The following HSPBAP1 variants were observed in gnomAD, a reference collection of about 807,000 sequenced individuals.
The protein encoded by HSPBAP1 is HSPB1 associated protein 1.
Under a neutral mutation model 45.2 loss-of-function variants are expected in HSPBAP1, and 27 were observed. That is an observed-to-expected ratio of 0.60 (90% confidence interval 0.44 to 0.82). HSPBAP1 has a LOEUF of 0.82. Among genes scored for constraint, HSPBAP1 ranks in the 40% least tolerant of loss-of-function variants. The probability of loss-of-function intolerance (pLI) is 0.00; values close to 1 mark genes in which losing one functional copy is unlikely to be tolerated. For synonymous variants in HSPBAP1, 204 were observed against 202.7 expected (o/e 1.01, Z -0.06); for missense variants, 510 against 590.9 (o/e 0.86, Z 1.42).
chr3:122,740,370 A>C lies in HSPBAP1; in HGVS notation c.1442T>G (p.Leu481Arg). The C allele has an allele frequency of 1.2e-6, 2 of 1,605,920 alleles. No homozygotes were observed. Among genetic ancestry groups the C allele is most frequent in the South Asian group, 2.2e-5 (2 of 90,648 alleles). ...TCATAAACTTCTTCCTTGTATCAAA[A>C]GTTGTGCCACTATCCTGGTTACTTG... is the stretch of plus-strand genomic sequence containing the variant. ...NPQVTRIVAQ[L>R]LIQGRSL Residue 481 changes from leucine to arginine, a missense_variant, in exon 8 of 8, where the codon CTT (leucine) becomes CGT (arginine). Physicochemically the swap from Leu to Arg is moderately radical, Grantham distance 102. Coordinates refer to ENST00000306103, the MANE Select transcript of HSPBAP1 (RefSeq NM_024610.6).
chr3:122,751,538 A>T (rs1934135490), intron 6 of HSPBAP1, among the ~76,000 whole-genome samples: 1 of 152,268 alleles, frequency 6.6e-6, no homozygotes, highest in Non-Finnish European at 1.5e-5. Context: ...AGAAAAGATT[A>T]TGGAAAAACT....
intron 5 of HSPBAP1, chr3:122,753,417 A>G (rs941587009): frequency 1.3e-5 from 13 of 977,958 alleles, no homozygotes; most frequent in Non-Finnish European, 1.6e-5. Flanking sequence ...GGTAGGCACT[A>G]GGAGTTGTTG....
chr3:122,749,618 T>C (rs1487232224), intron 6 of HSPBAP1, among the ~76,000 whole-genome samples: 1 of 152,202 alleles, frequency 6.6e-6, no homozygotes, highest in African/African-American at 2.4e-5. Context: ...TGACATCTTT[T>C]TCTTTTTTTG....
intron 6 of HSPBAP1, among the ~76,000 whole-genome samples, chr3:122,747,806 G>A (rs1380202452): frequency 6.6e-6 from 1 of 150,902 alleles, no homozygotes; most frequent in African/African-American, 2.4e-5. Flanking sequence ...GGGAGGTGAG[G>A]GGCGCCTCTG....
chr3:122,745,378 C>A (rs1933810057), intron 6 of HSPBAP1, among the ~76,000 whole-genome samples: 1 of 152,140 alleles, frequency 6.6e-6, no homozygotes, highest in Non-Finnish European at 1.5e-5. Context: ...GAAGAGAAGA[C>A]CTTACCCTAG....
chr3:122,771,852 C>G (rs1560146604), intron 2 of HSPBAP1, among the ~76,000 whole-genome samples: 1 of 152,158 alleles, frequency 6.6e-6, no homozygotes, highest in Non-Finnish European at 1.5e-5. Context: ...TAACCAAGAC[C>G]TAAGACCTAA....
Position 122,793,534 on chromosome 3 carries a change from G to C in HSPBAP1, c.64+83C>G, listed in dbSNP as rs188199601. On this transcript the variant is annotated intron_variant, in intron 1 of 7. Coordinates refer to ENST00000306103, the MANE Select transcript of HSPBAP1 (RefSeq NM_024610.6). ...CCAGAGAGACCTGGGTTGGGGCTAA[G>C]GCAAACGGCCCCACGAGGGGTGCCA... The C allele has an allele frequency of 5.3e-5, 67 of 1,268,414 alleles. No homozygotes were observed. In the Admixed American group the frequency reaches 8.4e-4, roughly 16 times the overall value. The allele number at this position is 1,268,414 out of a possible 1,614,324, so 78.6% of individuals were successfully genotyped here.
At chr3:122,751,304 A>G (rs1472430688) in intron 6 of HSPBAP1, among the ~76,000 whole-genome samples, 1 of 152,154 alleles carries the variant, frequency 6.6e-6, no homozygotes, top group Non-Finnish European at 1.5e-5. Context: ...TTGTCCAATT[A>G]CTCTACTGAG....
At chr3:122,792,122 G>A (rs946360210) in intron 1 of HSPBAP1, among the ~76,000 whole-genome samples, 1 of 152,208 alleles carries the variant, frequency 6.6e-6, no homozygotes, top group Non-Finnish European at 1.5e-5. Context: ...TTGGGAATTT[G>A]TCATTGGAGA....
rs60537551 is a variant in HSPBAP1 at position 122,753,703 on chromosome 3, TAGAA to T, written c.742-1033_742-1030del. On this transcript the variant is annotated intron_variant, in intron 5 of 7. Coordinates refer to ENST00000306103, the MANE Select transcript of HSPBAP1 (RefSeq NM_024610.6). ...CTGTGAACAAGGCAGGACTGGGAAA[TAGAA>T]AGAGAGATCCTTTCAGGAAAACTGG... 5.6e-3 allele frequency: 5,541 copies of T among 984,928 alleles called. 235 individuals carry two copies. The African/African-American group carries it at 0.086, about 15-fold the overall frequency. 61.0% of individuals were successfully genotyped at this position (984,928 alleles called of 1,614,324 possible). A position where few individuals can be genotyped will look rare whatever the true frequency, so the allele number is the denominator to read the frequency against.
At chr3:122,759,131 G>A in intron 4 of HSPBAP1, 93 bp downstream of exon 4, 1 of 1,474,328 alleles carries the variant, frequency 6.8e-7, no homozygotes. Context: ...CTACACCTTG[G>A]GGTATTGCCC....
chr3:122,748,084 C>A (rs1421248074), intron 6 of HSPBAP1, among the ~76,000 whole-genome samples: 1 of 152,196 alleles, frequency 6.6e-6, no homozygotes, highest in Non-Finnish European at 1.5e-5. Flanking sequence ...GACTTTACCC[C>A]CAACCCTGTG....
rs753735703 is a variant in HSPBAP1 at position 122,740,801 on chromosome 3, T to C, written c.1011A>G (p.Arg337=). 4.3e-6 allele frequency: 7 copies of C among 1,613,998 alleles called. No homozygotes were observed. In the African/African-American group the frequency reaches 6.7e-5, roughly 15 times the overall value. The change falls in exon 8 of 8, where the codon AGA becomes AGG. Residue 337 remains arginine (R), a synonymous_variant. Transcript: ENST00000306103. ...AAVSAFFDRC[R]TSEVVEIQAL... Reference sequence around the variant, plus strand: ...CTTGGATTTCTACTACCTCAGATGTTCTGCAGCGATCAAAAAATGCAGAAA... The same window carrying C: ...CTTGGATTTCTACTACCTCAGATGTCCTGCAGCGATCAAAAAATGCAGAAA...
At chr3:122,760,941 C>T (rs1934560193) in intron 3 of HSPBAP1, among the ~76,000 whole-genome samples, 1 of 152,128 alleles carries the variant, frequency 6.6e-6, no homozygotes, top group African/African-American at 2.4e-5. Context: ...CACAGGCCAA[C>T]CCTTCAAGTC....
intron 4 of HSPBAP1, chr3:122,758,835 C>G: frequency 2.2e-6 from 1 of 448,894 alleles, no homozygotes; most frequent in South Asian, 1.6e-5. Context: ...GAGCTATGAT[C>G]ATGCCATTGC....
chr3:122,780,141 C>T (rs1309054413), intron 1 of HSPBAP1, among the ~76,000 whole-genome samples: 1 of 75,928 alleles, frequency 1.3e-5, no homozygotes, highest in Non-Finnish European at 2.7e-5. Context: ...GGGGAGCTGA[C>T]CCCCCCACCT....
chr3:122,778,411 T>TG (rs1323151983), intron 1 of HSPBAP1, among the ~76,000 whole-genome samples: 3 of 152,066 alleles, frequency 2.0e-5, no homozygotes, highest in African/African-American at 7.2e-5. Flanking sequence ...CAACCACTGT[T>TG]GCATTTCAGT....
In HSPBAP1 at chr3:122,783,085, C is replaced by A. The variant is rs1935545002; in HGVS notation, c.65-5179G>T. Among the ~76,000 whole-genome samples, 3 of 152,298 alleles carry A rather than the reference C, an allele frequency of 2.0e-5. No individual in the cohort carries two copies. The South Asian group carries it at 6.2e-4, about 32-fold the overall frequency. On this transcript the variant is annotated intron_variant, in intron 1 of 7. Transcript: ENST00000306103. ...GCTTAGAAGGGAAAGGCAGAAGACT[C>A]AGGGAGTGTGTGCAGTGAGAAAGAG...
intron 1 of HSPBAP1, among the ~76,000 whole-genome samples, chr3:122,781,438 G>T (rs374945765): frequency 6.6e-6 from 1 of 150,400 alleles, no homozygotes; most frequent in Non-Finnish European, 1.5e-5. Context: ...GCCTGCAATC[G>T]CAGGCACTCG....
Sources: allele counts gnomAD v4.1 joint callset (sites outside exome capture counted in the v4.1 genomes callset), GRCh38; gene constraint gnomAD v4.1.1; transcripts MANE v1.5; gene names NCBI Gene and HGNC (gene_info 2026-07-23, HGNC 2026-07-21).